CAMKMT: variants seen among roughly 807,000 people sequenced by gnomAD.
The protein encoded by CAMKMT is CaM KMT.
Under a neutral mutation model 48.0 loss-of-function variants are expected in CAMKMT, and 53 were observed. That is an observed-to-expected ratio of 1.10 (90% CI 0.89 to 1.39). The LOEUF is 1.39. Ranked by LOEUF, CAMKMT falls within the 40% of genes most tolerant of loss-of-function variation. The probability of loss-of-function intolerance (pLI) is 0.00; values close to 1 mark genes in which losing one functional copy is unlikely to be tolerated. For synonymous variants in CAMKMT, 165 were observed against 152.3 expected (o/e 1.08, Z -0.61); for missense variants, 428 against 402.7 (o/e 1.06, Z -0.54).
At chr2:44,677,080 G>T (rs2104158258) in intron 3 of CAMKMT, among the ~76,000 whole-genome samples, 1 of 152,224 alleles carries the variant, frequency 6.6e-6, no homozygotes, top group East Asian at 1.9e-4. Flanking sequence ...TCCTGAAGGG[G>T]ATTTTCATCT....
At chr2:44,374,584 A>G (rs1356824141) in intron 2 of CAMKMT, among the ~76,000 whole-genome samples, 1 of 152,218 alleles carries the variant, frequency 6.6e-6, no homozygotes, top group African/African-American at 2.4e-5. Context: ...AGAATGTGAA[A>G]TAGTCTCTTC....
At chr2:44,541,671 T>TAA (rs1667113304) in intron 3 of CAMKMT, among the ~76,000 whole-genome samples, 1 of 150,872 alleles carries the variant, frequency 6.6e-6, no homozygotes, top group African/African-American at 2.4e-5. Flanking sequence ...CTTGGGAGGC[T>TAA]GAGGTAAGAG....
chr2:44,510,140 T>C (rs1211723272), intron 3 of CAMKMT, among the ~76,000 whole-genome samples: 5 of 152,208 alleles, frequency 3.3e-5, no homozygotes, highest in African/African-American at 1.2e-4. Context: ...TCACCAGAAT[T>C]TTAGTTTTTC....
chr2:44,669,298 T>C (rs1354639956), intron 3 of CAMKMT, among the ~76,000 whole-genome samples: 2 of 152,234 alleles, frequency 1.3e-5, no homozygotes, highest in African/African-American at 2.4e-5. Context: ...TTCTACTGTA[T>C]GATATTAGTT....
chr2:44,610,399 G>A (rs1018324589), intron 3 of CAMKMT, among the ~76,000 whole-genome samples: 2 of 152,150 alleles, frequency 1.3e-5, no homozygotes, highest in Non-Finnish European at 2.9e-5. Flanking sequence ...GATTTCTGAA[G>A]AAGTCTGGGG....
chr2:44,370,970 C>A (rs1161403017), intron 1 of CAMKMT, among the ~76,000 whole-genome samples: 1 of 152,172 alleles, frequency 6.6e-6, no homozygotes, highest in East Asian at 1.9e-4. Context: ...ACCACCACAT[C>A]CTACTAATTA....
chr2:44,637,320 C>A (rs542668089), intron 3 of CAMKMT, among the ~76,000 whole-genome samples: 1 of 152,328 alleles, frequency 6.6e-6, no homozygotes, highest in South Asian at 2.1e-4. Flanking sequence ...TGCAATTGCA[C>A]AAGCAAAGTG....
At chr2:44,523,484 A>G (rs1359270292) in intron 3 of CAMKMT, among the ~76,000 whole-genome samples, 1 of 151,764 alleles carries the variant, frequency 6.6e-6, no homozygotes, top group Non-Finnish European at 1.5e-5. Context: ...TTGTAGAGAA[A>G]GAGTTTCACC....
chr2:44,490,902 C>T (rs970280247), intron 3 of CAMKMT, among the ~76,000 whole-genome samples: 3 of 152,114 alleles, frequency 2.0e-5, no homozygotes, highest in Admixed American at 1.3e-4. Flanking sequence ...GTAATTACAA[C>T]ACTTTGGGAG....
At chr2:44,471,803 C>G (rs149863584) in intron 3 of CAMKMT, among the ~76,000 whole-genome samples, 14 of 152,128 alleles carry the variant, frequency 9.2e-5, no homozygotes, top group African/African-American at 2.9e-4. Context: ...GCCTCAGCCT[C>G]CCGTGTGGCT....
At chr2:44,473,877 G>C (rs1668547662) in intron 3 of CAMKMT, among the ~76,000 whole-genome samples, 1 of 152,026 alleles carries the variant, frequency 6.6e-6, no homozygotes, top group Admixed American at 6.6e-5. Context: ...ATTTATCTCT[G>C]CCCTTCTTTT....
At chr2:44,395,431 T>C (rs78431149) in intron 3 of CAMKMT, among the ~76,000 whole-genome samples, 15,614 of 152,204 alleles carry the variant, frequency 0.1, 858 homozygotes, top group African/African-American at 0.12. Flanking sequence ...CATGTATGCA[T>C]TGTATATCTA....
At chr2:44,591,113 A>G (rs1670236813) in intron 3 of CAMKMT, among the ~76,000 whole-genome samples, 1 of 150,606 alleles carries the variant, frequency 6.6e-6, no homozygotes, top group Admixed American at 6.6e-5. Context: ...ATTGATCTAT[A>G]TCTCTGTTTT....
Position 44,435,369 on chromosome 2 carries a change from C to T in CAMKMT, c.376+45064C>T, listed in dbSNP as rs146821230. The stretch of plus-strand genomic sequence containing the variant: ...AAAAAAAATTCAAGCATGGCACTTA[C>T]AGTCTAGATTTAGGAGAATTGTTGA... On this transcript the variant is annotated intron_variant, in intron 3 of 10. Coordinates refer to ENST00000378494, the MANE Select transcript of CAMKMT (RefSeq NM_024766.5). 6.1e-3 allele frequency among the ~76,000 whole-genome samples: 932 copies of T among 152,216 alleles called. 4 individuals are homozygous for T. Among genetic ancestry groups the T allele is most frequent in the Middle Eastern group, 0.01 (3 of 294 alleles).
intron 3 of CAMKMT, among the ~76,000 whole-genome samples, chr2:44,696,689 C>T (rs922422316): frequency 6.6e-5 from 10 of 152,114 alleles, no homozygotes; most frequent in African/African-American, 1.9e-4. Context: ...CACTCACCTA[C>T]ACTCAGCCTT....
chr2:44,699,871 C>G (rs1483897809), intron 3 of CAMKMT, among the ~76,000 whole-genome samples: 2 of 152,208 alleles, frequency 1.3e-5, no homozygotes, highest in Admixed American at 1.3e-4. Flanking sequence ...ACAAGAGACT[C>G]AGCCTGTCCT....
At chr2:44,565,193 G>T (rs1410384245) in intron 3 of CAMKMT, among the ~76,000 whole-genome samples, 1 of 152,178 alleles carries the variant, frequency 6.6e-6, no homozygotes, top group African/African-American at 2.4e-5. Context: ...AGGGTGGCTT[G>T]ATGGCAACAC....
chr2:44,705,874 A>G (rs1195889143), intron 4 of CAMKMT, among the ~76,000 whole-genome samples: 6 of 152,146 alleles, frequency 3.9e-5, no homozygotes, highest in South Asian at 2.1e-4. Context: ...ATACACACTC[A>G]TATATATTCT....
At chr2:44,478,753 T>A (rs1200057938) in intron 3 of CAMKMT, among the ~76,000 whole-genome samples, 2 of 148,880 alleles carry the variant, frequency 1.3e-5, no homozygotes, top group Admixed American at 6.8e-5. Flanking sequence ...CAGGCTGGAG[T>A]GCAGTGGCAC....
Sources: gnomAD v4.1 joint callset for allele counts (sites outside exome capture counted in the v4.1 genomes callset) on GRCh38, gnomAD v4.1.1 for gene constraint, MANE v1.5 for transcripts, NCBI Gene and HGNC (gene_info 2026-07-23, HGNC 2026-07-21) for gene names.